Variants in MIGA1 observed in about 807,000 individuals in gnomAD.
MIGA1 encodes family with sequence similarity 73, member A.
Under a neutral mutation model 82.0 loss-of-function variants are expected in MIGA1, and 58 were observed. The observed-to-expected ratio is 0.71, with a 90% confidence interval of 0.57 to 0.88. MIGA1 has a LOEUF of 0.88. Among genes scored for constraint, MIGA1 ranks in the 40% least tolerant of loss-of-function variants. The pLI, the probability that MIGA1 is intolerant of heterozygous loss-of-function variation, is 0.00. For missense variants in MIGA1, 751 were observed against 749.1 expected (o/e 1.00, Z -0.03); for synonymous variants, 249 against 253.6 (o/e 0.98, Z 0.17).
chr1:77,871,326 A>AC (rs1685993926), intron 14 of MIGA1, among the ~76,000 whole-genome samples: 1 of 151,886 alleles, frequency 6.6e-6, no homozygotes, highest in African/African-American at 2.4e-5. Context: ...ACATGGCGAA[A>AC]CCCCGTCTCT....
chr1:77,851,260 A>G (rs930586323), intron 8 of MIGA1, among the ~76,000 whole-genome samples: 5 of 152,238 alleles, frequency 3.3e-5, no homozygotes, highest in African/African-American at 1.2e-4. Context: ...GTAAACAAAT[A>G]TAGTATTACT....
At chr1:77,852,764 C>T (rs1182429998) in intron 8 of MIGA1, among the ~76,000 whole-genome samples, 1 of 152,170 alleles carries the variant, frequency 6.6e-6, no homozygotes, top group Non-Finnish European at 1.5e-5. Flanking sequence ...GATCTTGGCT[C>T]ACTGCAACCT....
intron 5 of MIGA1, among the ~76,000 whole-genome samples, chr1:77,809,320 T>C (rs1014040022): frequency 6.6e-6 from 1 of 152,194 alleles, no homozygotes; most frequent in Non-Finnish European, 1.5e-5. Context: ...TGGTGACATA[T>C]GTTTGACTTG....
intron 1 of MIGA1, among the ~76,000 whole-genome samples, chr1:77,780,908 C>CTTTTTTTT (rs1351911649): frequency 7.5e-6 from 1 of 133,244 alleles, no homozygotes. Context: ...TTTCTTTTTT[C>CTTTTTTTT]TTTTTTTTTT....
At chr1:77,827,660 C>G (rs959068729) in intron 7 of MIGA1, among the ~76,000 whole-genome samples, 2 of 152,094 alleles carry the variant, frequency 1.3e-5, no homozygotes, top group African/African-American at 2.4e-5. Context: ...AGACCCTGAC[C>G]TTTCTCTAGA....
Position 77,873,128 on chromosome 1 carries a change from C to A in MIGA1, c.1680+8C>A. 3 of 1,606,590 alleles carry A rather than the reference C, an allele frequency of 1.9e-6. No homozygotes were observed. The highest frequency in any genetic ancestry group is 2.6e-6 in the Non-Finnish European group (3 of 1,176,130). On this transcript the variant is annotated splice_region_variant and intron_variant, in intron 15 of 15. Transcript: ENST00000370791. ...TTATGTTGCTTTTTTAAGGTATGTT[C>A]AGTCATTGAATCATTTCTCTTTTTT... is the stretch of plus-strand genomic sequence containing the variant.
At chr1:77,784,930 A>G (rs1246604548) in intron 2 of MIGA1, among the ~76,000 whole-genome samples, 1 of 152,196 alleles carries the variant, frequency 6.6e-6, no homozygotes, top group Non-Finnish European at 1.5e-5. Context: ...GAGAACAGCA[A>G]GGGAAGGACT....
At chr1:77,851,876 C>CTTT (rs374230686) in intron 8 of MIGA1, among the ~76,000 whole-genome samples, 10 of 120,358 alleles carry the variant, frequency 8.3e-5, no homozygotes, top group East Asian at 2.8e-4. Context: ...AGTTTTCTTT[C>CTTT]TTTTTTTTTT....
intron 2 of MIGA1, among the ~76,000 whole-genome samples, chr1:77,788,244 C>T (rs1013978605): frequency 5.9e-5 from 9 of 152,188 alleles, no homozygotes; most frequent in Non-Finnish European, 1.0e-4. Context: ...GTCAAGTGAT[C>T]CGCCTGCCTT....
chr1:77,858,622 G>C lies in MIGA1; in HGVS notation c.997-316G>C, dbSNP rs1685349449. Among the ~76,000 whole-genome samples the C allele has an allele frequency of 2.0e-5, 3 of 152,016 alleles. No homozygotes were observed. In the South Asian group the frequency reaches 6.2e-4, roughly 32 times the overall value. On this transcript the variant is annotated intron_variant, in intron 8 of 15. Transcript: ENST00000370791. ...CTGCTTTTTGGTTTTCTGGGTTTTT[G>C]TTTTGTTTTGTTTTTGAGGCAGGTC...
chr1:77,792,841 T>C (rs1403920256), intron 2 of MIGA1, among the ~76,000 whole-genome samples: 1 of 147,864 alleles, frequency 6.8e-6, no homozygotes, highest in Non-Finnish European at 1.5e-5. Flanking sequence ...CAGGCTGGAG[T>C]GCAGTGGCGC....
chr1:77,805,485 T>C (rs1683061528), intron 4 of MIGA1, among the ~76,000 whole-genome samples: 1 of 150,764 alleles, frequency 6.6e-6, no homozygotes, highest in Non-Finnish European at 1.5e-5. Flanking sequence ...TTTTTGTCTT[T>C]TTGGCAGTGT....
At chr1:77,839,639 T>C (rs1267098631) in intron 7 of MIGA1, among the ~76,000 whole-genome samples, 1 of 152,068 alleles carries the variant, frequency 6.6e-6, no homozygotes, top group Non-Finnish European at 1.5e-5. Flanking sequence ...TCCCAAAGTG[T>C]TGAGATTACA....
At chr1:77,796,980 A>G (rs576807153) in intron 2 of MIGA1, among the ~76,000 whole-genome samples, 1 of 152,294 alleles carries the variant, frequency 6.6e-6, no homozygotes, top group Admixed American at 6.5e-5. Context: ...GCTAGCTGCC[A>G]TTGATGTTTT....
chr1:77,831,587 A>G (rs1684246187), intron 7 of MIGA1, among the ~76,000 whole-genome samples: 1 of 152,180 alleles, frequency 6.6e-6, no homozygotes. Flanking sequence ...CTCATCTTCC[A>G]CCAAAATGTG....
rs1175821307 is a variant in MIGA1 at position 77,793,783 on chromosome 1, CTTTTTTTTTT to C, written c.196-7536_196-7527del. 2.6e-5 allele frequency among the ~76,000 whole-genome samples: 3 copies of C among 114,154 alleles called. 1 individual carries two copies. Among genetic ancestry groups the C allele is most frequent in the South Asian group, 5.4e-4 (2 of 3,698 alleles). 74.9% of individuals were successfully genotyped at this position (114,154 alleles called of 152,430 possible). ...CCTGGCTGCTTTACTAAAATTTTAT[CTTTTTTTTTT>C]TTTTTTTTTTTGAGACAGGGTCTCA... On this transcript the variant is annotated intron_variant, in intron 2 of 15. Transcript: ENST00000370791.
intron 7 of MIGA1, among the ~76,000 whole-genome samples, chr1:77,836,943 A>G (rs955622916): frequency 9.9e-5 from 15 of 152,232 alleles, no homozygotes; most frequent in Admixed American, 5.9e-4. Flanking sequence ...CTCAATATAC[A>G]TAATTAGGCT....
chr1:77,859,903 T>G, intron 10 of MIGA1, 137 bp from the exon 11 acceptor site: 1 of 595,640 alleles, frequency 1.7e-6, no homozygotes, highest in Non-Finnish European at 2.9e-6. Flanking sequence ...AATTAGGACT[T>G]TCTCTGTGAG....
intron 2 of MIGA1, 33 bp from the exon 3 acceptor site, chr1:77,801,298 G>T (rs1030874815): frequency 2.0e-6 from 3 of 1,497,212 alleles, no homozygotes; most frequent in Non-Finnish European, 2.7e-6. Context: ...AAATTAAAGA[G>T]ATTTTTTTCA....
Sources: gnomAD v4.1 joint callset for allele counts (sites outside exome capture counted in the v4.1 genomes callset) on GRCh38, gnomAD v4.1.1 for gene constraint, MANE v1.5 for transcripts, NCBI Gene and HGNC (gene_info 2026-07-23, HGNC 2026-07-21) for gene names.